Variants in TMEM63C observed in about 807,000 individuals in gnomAD.
TMEM63C encodes the protein osmosensitive cation channel TMEM63C.
In TMEM63C, 32 loss-of-function variants were observed where a neutral mutation model predicts 99.2. The ratio of observed to expected loss-of-function variants is 0.32; its 90% CI spans 0.24 to 0.43. The LOEUF (loss-of-function observed/expected upper bound fraction) is 0.43. Among genes scored for constraint, TMEM63C ranks in the 20% least tolerant of loss-of-function variants. The pLI, the probability that TMEM63C is intolerant of heterozygous loss-of-function variation, is 1.00. For synonymous variants in TMEM63C, 376 were observed against 397.9 expected (o/e 0.94, Z 0.66); for missense variants, 826 against 1,053.0 (o/e 0.78, Z 2.98).
At chr14:77,249,997 G>A (rs1889329897) in intron 21 of TMEM63C, among the ~76,000 whole-genome samples, 1 of 152,174 alleles carries the variant, frequency 6.6e-6, no homozygotes, top group Admixed American at 6.5e-5. Context: ...GTCATGACTG[G>A]CTAATTGTTT....
At position 77,248,891 on chromosome 14, in the gene TMEM63C, A is replaced by G. The variant is rs369113517; in HGVS notation, c.1870+19A>G. ...CCTTTTGGTGAGTCATCTCCAAGGC[A>G]TGCCCAAGGGCTGCACATCCGCAGA... On this transcript the variant is annotated intron_variant, in intron 20 of 23. Transcript: ENST00000298351. The G allele has an allele frequency of 6.1e-4, 979 of 1,595,900 alleles. 1 individual carries two copies. The highest frequency in any genetic ancestry group is 7.9e-4 in the Non-Finnish European group (922 of 1,163,468).
At chr14:77,229,879 A>C (rs1273295064) in intron 6 of TMEM63C, among the ~76,000 whole-genome samples, 1 of 152,048 alleles carries the variant, frequency 6.6e-6, no homozygotes, top group Non-Finnish European at 1.5e-5. Flanking sequence ...GAAGTATAGC[A>C]TGCACATGGA....
intron 2 of TMEM63C, among the ~76,000 whole-genome samples, chr14:77,218,170 T>A (rs1446932053): frequency 6.7e-6 from 1 of 148,764 alleles, no homozygotes; most frequent in Non-Finnish European, 1.5e-5. Flanking sequence ...ATTGCATGCC[T>A]GTATCAAAAC....
At chr14:77,240,317 C>T (rs1889145271) in intron 12 of TMEM63C, among the ~76,000 whole-genome samples, 158 bp from the exon 13 acceptor site, 1 of 152,168 alleles carries the variant, frequency 6.6e-6, no homozygotes, top group Non-Finnish European at 1.5e-5. Context: ...TCTTCTTGTT[C>T]TAGAGGTGGG....
chr14:77,200,804 CA>C (rs1888287033), intron 1 of TMEM63C, among the ~76,000 whole-genome samples: 1 of 152,208 alleles, frequency 6.6e-6, no homozygotes. Flanking sequence ...CATGTGTCCT[CA>C]GGCTAGAAAT....
chr14:77,244,041 T>A (rs1361149377), intron 15 of TMEM63C, among the ~76,000 whole-genome samples: 1 of 151,688 alleles, frequency 6.6e-6, no homozygotes, highest in Non-Finnish European at 1.5e-5. Context: ...CGCTCACATG[T>A]CATCACAGCA....
At chr14:77,246,064 G>T (rs781645428) in intron 17 of TMEM63C, 38 bp downstream of exon 17, 1 of 1,522,068 alleles carries the variant, frequency 6.6e-7, no homozygotes, top group South Asian at 1.1e-5. Flanking sequence ...TCTTAGCCAG[G>T]CTCTCTTAGA....
At chr14:77,250,951 C>T (rs1172900652) in intron 21 of TMEM63C, among the ~76,000 whole-genome samples, 1 of 152,150 alleles carries the variant, frequency 6.6e-6, no homozygotes, top group Non-Finnish European at 1.5e-5. Context: ...TGTTCCCAGC[C>T]CCCTTTCCAG....
chr14:77,232,822 C>A (rs1298193305), intron 7 of TMEM63C, among the ~76,000 whole-genome samples: 1 of 152,224 alleles, frequency 6.6e-6, no homozygotes, highest in East Asian at 1.9e-4. Flanking sequence ...GCCCCAGGGG[C>A]AACCAGCTTT....
intron 1 of TMEM63C, among the ~76,000 whole-genome samples, chr14:77,189,371 G>T (rs1312613100): frequency 1.3e-5 from 2 of 152,000 alleles, no homozygotes; most frequent in African/African-American, 4.8e-5. Flanking sequence ...ACCCATGTGG[G>T]CCTCCAAACG....
At chr14:77,246,987 C>CAT (rs1352413470) in intron 18 of TMEM63C, among the ~76,000 whole-genome samples, 1 of 152,174 alleles carries the variant, frequency 6.6e-6, no homozygotes, top group African/African-American at 2.4e-5. Context: ...AAGCACTGTG[C>CAT]ATAACTATAG....
intron 1 of TMEM63C, among the ~76,000 whole-genome samples, chr14:77,207,986 C>T (rs1213681891): frequency 6.6e-6 from 1 of 152,154 alleles, no homozygotes; most frequent in Non-Finnish European, 1.5e-5. Context: ...GGAACCAGCC[C>T]CCCAGCTCAG....
At chr14:77,214,575 T>C (rs1888548780) in intron 2 of TMEM63C, among the ~76,000 whole-genome samples, 1 of 152,002 alleles carries the variant, frequency 6.6e-6, no homozygotes. Context: ...TAGAGCCCCC[T>C]GTCTTGGACC....
At chr14:77,241,060 C>T (rs1245571172) in intron 13 of TMEM63C, among the ~76,000 whole-genome samples, 1 of 151,492 alleles carries the variant, frequency 6.6e-6, no homozygotes, top group East Asian at 1.9e-4. Context: ...AAGCGATTCT[C>T]CTGCCTCAGC....
At chr14:77,209,227 A>T (rs138148998) in intron 1 of TMEM63C, among the ~76,000 whole-genome samples, 2 of 152,284 alleles carry the variant, frequency 1.3e-5, no homozygotes, top group East Asian at 3.9e-4. Context: ...CAGCTGATAA[A>T]CAATAGAGCC....
chr14:77,203,090 T>A (rs1449278155), intron 1 of TMEM63C, among the ~76,000 whole-genome samples: 1 of 152,166 alleles, frequency 6.6e-6, no homozygotes, highest in Non-Finnish European at 1.5e-5. Flanking sequence ...CAAAAAGCAA[T>A]AAAGACGCTG....
chr14:77,228,540 C>CTT (rs34337596), intron 6 of TMEM63C, among the ~76,000 whole-genome samples: 44,157 of 145,954 alleles, frequency 0.3, 7,529 homozygotes, highest in East Asian at 0.56. Context: ...AAAAATAAAT[C>CTT]TTTTTTTTTT....
At chr14:77,226,286 AG>A (rs1888823459) in intron 6 of TMEM63C, among the ~76,000 whole-genome samples, 1 of 152,072 alleles carries the variant, frequency 6.6e-6, no homozygotes, top group Non-Finnish European at 1.5e-5. Context: ...CCCCTCTGTC[AG>A]GGACCCAGCA....
At chr14:77,190,597 T>A (rs1001625455) in intron 1 of TMEM63C, among the ~76,000 whole-genome samples, 3 of 152,152 alleles carry the variant, frequency 2.0e-5, no homozygotes, top group African/African-American at 7.2e-5. Flanking sequence ...ATTCCAGAAA[T>A]ATAAATTCCA....
Sources: gnomAD v4.1 joint callset for allele counts (sites outside exome capture counted in the v4.1 genomes callset) on GRCh38, gnomAD v4.1.1 for gene constraint, MANE v1.5 for transcripts, NCBI Gene and HGNC (gene_info 2026-07-23, HGNC 2026-07-21) for gene names.